The following RALYL variants were observed in gnomAD, a reference collection of about 807,000 sequenced individuals.
RALYL encodes the protein RNA-binding Raly-like protein.
Under a neutral mutation model 35.1 loss-of-function variants are expected in RALYL, and 29 were observed. The observed-to-expected ratio is 0.83, with a 90% CI of 0.61 to 1.13. The LOEUF (loss-of-function observed/expected upper bound fraction) is 1.13. RALYL is among the 50% of genes most tolerant of loss of function. The pLI is 0.00. For missense variants in RALYL, 359 were observed against 360.4 expected, an observed-to-expected ratio of 1.00 and a Z score of 0.03; for synonymous variants, 120 against 127.6, an observed-to-expected ratio of 0.94 and a Z score of 0.40.
At chr8:84,909,649 C>T (rs1847167129) in intron 8 of RALYL, among the ~76,000 whole-genome samples, 1 of 152,046 alleles carries the variant, frequency 6.6e-6, no homozygotes, top group Non-Finnish European at 1.5e-5. Context: ...AATATGAAGA[C>T]TTACGTGACT....
At chr8:84,798,893 AC>A (rs1822545737) in intron 3 of RALYL, among the ~76,000 whole-genome samples, 1 of 152,240 alleles carries the variant, frequency 6.6e-6, no homozygotes. Flanking sequence ...TGCCACCCAG[AC>A]AGTGAGCAAT....
chr8:84,403,088 A>G (rs2043084787), intron 1 of RALYL, among the ~76,000 whole-genome samples: 2 of 152,052 alleles, frequency 1.3e-5, no homozygotes, highest in Admixed American at 6.5e-5. Flanking sequence ...TAGATTGCAA[A>G]AATTTTCTCC....
chr8:84,300,417 G>T (rs1840550896), intron 1 of RALYL, among the ~76,000 whole-genome samples: 1 of 151,854 alleles, frequency 6.6e-6, no homozygotes, highest in Non-Finnish European at 1.5e-5. Flanking sequence ...ATATTTTGTT[G>T]TTTTTGATTG....
At chr8:84,908,250 A>G (rs895432050) in intron 8 of RALYL, among the ~76,000 whole-genome samples, 1 of 152,160 alleles carries the variant, frequency 6.6e-6, no homozygotes, top group Non-Finnish European at 1.5e-5. Flanking sequence ...ATTTCGAAAT[A>G]TACATTGCAC....
At chr8:84,681,884 G>T (rs560093798) in intron 2 of RALYL, among the ~76,000 whole-genome samples, 2 of 152,124 alleles carry the variant, frequency 1.3e-5, no homozygotes, top group Non-Finnish European at 2.9e-5. Context: ...ATGTTGAATC[G>T]GAGTGGTGAG....
At chr8:84,489,245 A>T (rs747363170) in intron 1 of RALYL, among the ~76,000 whole-genome samples, 2 of 151,602 alleles carry the variant, frequency 1.3e-5, no homozygotes, top group Non-Finnish European at 2.9e-5. Context: ...CTTTTGTGTT[A>T]TTGTTGAAAT....
chr8:84,870,295 G>T (rs555507342), intron 6 of RALYL, among the ~76,000 whole-genome samples: 2 of 146,354 alleles, frequency 1.4e-5, no homozygotes, highest in Non-Finnish European at 3.0e-5. Context: ...GTCTCACTTT[G>T]TCACCCAGGC....
intron 2 of RALYL, among the ~76,000 whole-genome samples, chr8:84,752,761 T>C (rs1339035942): frequency 6.6e-6 from 1 of 152,152 alleles, no homozygotes; most frequent in Non-Finnish European, 1.5e-5. Flanking sequence ...TTACATGTGA[T>C]AATAAGCCTG....
chr8:84,565,233 A>C (rs2061702992), intron 2 of RALYL, among the ~76,000 whole-genome samples: 1 of 151,628 alleles, frequency 6.6e-6, no homozygotes, highest in Non-Finnish European at 1.5e-5. Flanking sequence ...TGAGTGCAGA[A>C]GCTCAACCAC....
chr8:84,433,289 C>G (rs1214849595), intron 1 of RALYL, among the ~76,000 whole-genome samples: 1 of 152,084 alleles, frequency 6.6e-6, no homozygotes, highest in South Asian at 2.1e-4. Flanking sequence ...TCATTTATGG[C>G]AATCAGATCA....
intron 4 of RALYL, among the ~76,000 whole-genome samples, chr8:84,832,162 T>C (rs1267309578): frequency 2.0e-5 from 3 of 152,198 alleles, no homozygotes; most frequent in South Asian, 2.1e-4. Flanking sequence ...CTACAGTCTA[T>C]TGTGTTTAAG....
chr8:84,296,223 G>T (rs2132292423), intron 1 of RALYL, among the ~76,000 whole-genome samples: 1 of 151,932 alleles, frequency 6.6e-6, no homozygotes, highest in South Asian at 2.1e-4. Flanking sequence ...GTAACTTCAG[G>T]GTGTATAACC....
intron 2 of RALYL, among the ~76,000 whole-genome samples, chr8:84,755,841 T>G (rs1811260812): frequency 6.6e-6 from 1 of 151,228 alleles, no homozygotes; most frequent in South Asian, 2.1e-4. Flanking sequence ...ACTTGACAGC[T>G]ATTATTAAAA....
At chr8:84,283,448 C>T (rs765948515) in intron 1 of RALYL, among the ~76,000 whole-genome samples, 1 of 152,138 alleles carries the variant, frequency 6.6e-6, no homozygotes, top group African/African-American at 2.4e-5. Context: ...AAAATGATTT[C>T]CCTTGTTCCC....
At chr8:84,912,013 A>G (rs1847589481) in intron 8 of RALYL, among the ~76,000 whole-genome samples, 1 of 152,064 alleles carries the variant, frequency 6.6e-6, no homozygotes, top group South Asian at 2.1e-4. Flanking sequence ...TTCATGTTCA[A>G]GAGTTTTATA....
intron 2 of RALYL, among the ~76,000 whole-genome samples, chr8:84,619,864 G>T (rs1405505706): frequency 6.6e-6 from 1 of 150,812 alleles, no homozygotes; most frequent in African/African-American, 2.4e-5. Flanking sequence ...GCTTAGTTTG[G>T]CTGGATATGA....
At chr8:84,496,635 A>G (rs1438070381) in intron 1 of RALYL, among the ~76,000 whole-genome samples, 1 of 152,204 alleles carries the variant, frequency 6.6e-6, no homozygotes, top group Non-Finnish European at 1.5e-5. Context: ...TATATGCACA[A>G]CATACATTAT....
chr8:84,854,223 G>A (rs1039318573), intron 5 of RALYL, among the ~76,000 whole-genome samples: 1 of 152,010 alleles, frequency 6.6e-6, no homozygotes, highest in African/African-American at 2.4e-5. Flanking sequence ...GTGGGCGCCT[G>A]TAATACCAGC....
At chr8:84,396,908 A>G (rs1253761190) in intron 1 of RALYL, among the ~76,000 whole-genome samples, 1 of 151,988 alleles carries the variant, frequency 6.6e-6, no homozygotes, top group African/African-American at 2.4e-5. Flanking sequence ...TAATCTTATT[A>G]TTCATAGAAT....
Sources: gnomAD v4.1 joint callset for allele counts (sites outside exome capture counted in the v4.1 genomes callset) on GRCh38, gnomAD v4.1.1 for gene constraint, MANE v1.5 for transcripts, NCBI Gene and HGNC (gene_info 2026-07-23, HGNC 2026-07-21) for gene names.